Variants in PRPSAP2 observed in about 807,000 individuals in gnomAD.
PRPSAP2 encodes the protein phosphoribosyl pyrophosphate synthetase associated protein 2, also known as phosphoribosyl pyrophosphate synthase-associated protein 2.
In PRPSAP2, 24 loss-of-function variants were observed where a neutral mutation model predicts 40.6. The ratio of observed to expected loss-of-function variants is 0.59; its 90% CI spans 0.43 to 0.83. The LOEUF (loss-of-function observed/expected upper bound fraction) is 0.83. PRPSAP2 is among the 40% of genes least tolerant of loss of function. PRPSAP2 has a pLI of 0.00. For synonymous variants in PRPSAP2, 149 were observed against 164.7 expected (o/e 0.90, Z 0.73); for missense variants, 292 against 465.6 (o/e 0.63, Z 3.43).
At chr17:18,891,899 G>A (rs1046002665) in intron 8 of PRPSAP2, among the ~76,000 whole-genome samples, 8 of 152,160 alleles carry the variant, frequency 5.3e-5, no homozygotes, top group South Asian at 4.1e-4. Flanking sequence ...CTCTGTTGCC[G>A]AGGCTGGAGT....
At chr17:18,881,635 T>C (rs1435174789) in intron 6 of PRPSAP2, among the ~76,000 whole-genome samples, 1 of 150,972 alleles carries the variant, frequency 6.6e-6, no homozygotes, top group Non-Finnish European at 1.5e-5. Flanking sequence ...CCTTCTGCAC[T>C]GAAGCGATTC....
intron 8 of PRPSAP2, chr17:18,908,474 T>A: frequency 1.3e-6 from 1 of 759,354 alleles, no homozygotes; most frequent in Non-Finnish European, 2.5e-6. Flanking sequence ...ATGGAAGGAG[T>A]GAGGCACCGG....
chr17:18,914,423 A>ATTT (rs35469900), intron 9 of PRPSAP2, among the ~76,000 whole-genome samples: 3 of 135,054 alleles, frequency 2.2e-5, no homozygotes, highest in Non-Finnish European at 4.8e-5. Flanking sequence ...GGCCTGGCTA[A>ATTT]TTTTTTTTTT....
At chr17:18,895,259 A>AT (rs1289777123) in intron 8 of PRPSAP2, among the ~76,000 whole-genome samples, 41 of 151,178 alleles carry the variant, frequency 2.7e-4, no homozygotes, top group South Asian at 1.5e-3. Flanking sequence ...CTAATTAAAA[A>AT]AATATATATA....
At chr17:18,916,768 T>C (rs2041344300) in intron 9 of PRPSAP2, among the ~76,000 whole-genome samples, 1 of 152,172 alleles carries the variant, frequency 6.6e-6, no homozygotes, top group Non-Finnish European at 1.5e-5. Flanking sequence ...AGCAGATTGG[T>C]GTCTGATGAG....
At chr17:18,904,009 A>G (rs2040435316) in intron 8 of PRPSAP2, among the ~76,000 whole-genome samples, 2 of 152,166 alleles carry the variant, frequency 1.3e-5, no homozygotes, top group African/African-American at 4.8e-5. Context: ...TAATCAATGT[A>G]GAAGTCAGAC....
chr17:18,887,735 T>G (rs868272313), intron 7 of PRPSAP2, among the ~76,000 whole-genome samples: 33 of 152,316 alleles, frequency 2.2e-4, no homozygotes, highest in South Asian at 4.1e-4. Flanking sequence ...AAAGTTGTGT[T>G]TATTCTGCTG....
intron 9 of PRPSAP2, among the ~76,000 whole-genome samples, chr17:18,918,263 C>T (rs1375037007): frequency 6.6e-6 from 1 of 152,076 alleles, no homozygotes; most frequent in Non-Finnish European, 1.5e-5. Context: ...GCTGTGTGTT[C>T]TTGGGCCTGT....
rs1160558719 is a variant in PRPSAP2, at chr17:18,867,331, A to C, written c.169A>C (p.Arg57=). ...AGTGCAGGTTTACCAGGAACCTAAC[A>C]GAGGTGAGCTATCTTGGGCATGTGG... ...GKVQVYQEPN[R]ETRVQIQESV... Residue 57 remains arginine, a synonymous_variant, in exon 4 of 12, where the codon AGA becomes CGA. Transcript: ENST00000268835. 1 of 1,614,140 alleles carries C rather than the reference A, an allele frequency of 6.2e-7. No homozygotes were observed. The highest frequency in any genetic ancestry group is 8.5e-7 in the Non-Finnish European group (1 of 1,180,006).
chr17:18,861,102 T>C (rs2036973201), intron 1 of PRPSAP2, among the ~76,000 whole-genome samples: 1 of 152,174 alleles, frequency 6.6e-6, no homozygotes, highest in African/African-American at 2.4e-5. Flanking sequence ...TCTTTATAAC[T>C]CTTTTCTTGA....
intron 10 of PRPSAP2, among the ~76,000 whole-genome samples, chr17:18,927,138 CT>C (rs1009643351): frequency 1.3e-5 from 2 of 152,214 alleles, no homozygotes; most frequent in Non-Finnish European, 2.9e-5. Flanking sequence ...AAGGAATGAA[CT>C]TTCCTTCAGA....
At position 18,865,926 on chromosome 17, in the gene PRPSAP2, T is replaced by G; in HGVS notation, c.93T>G (p.Cys31Trp). 6.7e-7 allele frequency: 1 copy of G among 1,485,058 alleles called. No homozygotes were observed. The highest frequency in any genetic ancestry group is 2.4e-5 in the East Asian group (1 of 41,218). The allele number at this position is 1,485,058 out of a possible 1,614,324, so 92.0% of individuals were successfully genotyped here. Residue 31 changes from cysteine (C) to tryptophan (W), a missense_variant, in exon 3 of 12, where the codon TGT becomes TGG. Physicochemically the swap from Cys to Trp is radical, Grantham distance 215. This residue lies in a region of PRPSAP2 where 51 missense variants were observed against 40.0 expected (regional missense o/e 1.28). Transcript: ENST00000268835. Reference protein sequence around the residue: ...VLFSANSNSSCMELSKKIAER... With the variant: ...VLFSANSNSSWMELSKKIAER... Reference sequence around the variant, plus strand: ...TTTCAGCAAACTCGAATTCATCATGTATGGAGCTATCAAAGAAAATTGCAG... The same window carrying G: ...TTTCAGCAAACTCGAATTCATCATGGATGGAGCTATCAAAGAAAATTGCAG...
chr17:18,881,207 A>G (rs898200738), intron 6 of PRPSAP2, among the ~76,000 whole-genome samples: 4 of 151,860 alleles, frequency 2.6e-5, no homozygotes, highest in African/African-American at 9.7e-5. Context: ...GAAAAATACA[A>G]GTGCTGAGTT....
intron 6 of PRPSAP2, 107 bp from the exon 7 acceptor site, chr17:18,882,461 T>TG: frequency 1.4e-6 from 1 of 714,244 alleles, no homozygotes; most frequent in South Asian, 1.7e-5. Flanking sequence ...CAGTTAGCTA[T>TG]GGTCATGCCA....
At chr17:18,915,436 G>C (rs1416436663) in intron 9 of PRPSAP2, among the ~76,000 whole-genome samples, 2 of 152,084 alleles carry the variant, frequency 1.3e-5, no homozygotes, top group African/African-American at 4.8e-5. Context: ...AGTCTGTTTT[G>C]TGTTGCTATA....
intron 11 of PRPSAP2, among the ~76,000 whole-genome samples, chr17:18,930,048 C>A (rs1330133791): frequency 6.6e-6 from 1 of 152,116 alleles, no homozygotes; most frequent in African/African-American, 2.4e-5. Flanking sequence ...CCATACCTAT[C>A]CTAGTGGGTG....
chr17:18,870,174 T>C (rs2037756677), intron 4 of PRPSAP2, among the ~76,000 whole-genome samples: 1 of 152,120 alleles, frequency 6.6e-6, no homozygotes, highest in Non-Finnish European at 1.5e-5. Flanking sequence ...AATAGTACAG[T>C]GAACTACCGC....
At chr17:18,872,726 C>T (rs2037983413) in intron 5 of PRPSAP2, 77 bp downstream of exon 5, 1 of 1,167,078 alleles carries the variant, frequency 8.6e-7, no homozygotes, top group Non-Finnish European at 1.3e-6. Flanking sequence ...AGATGGCTAG[C>T]CAGGAAGAGT....
intron 4 of PRPSAP2, among the ~76,000 whole-genome samples, chr17:18,871,112 C>T (rs1044351277): frequency 9.9e-5 from 15 of 152,020 alleles, no homozygotes; most frequent in Non-Finnish European, 1.8e-4. Context: ...CTCTGCCTCC[C>T]AGGTTCAAGC....
Sources: allele counts gnomAD v4.1 joint callset (sites outside exome capture counted in the v4.1 genomes callset), GRCh38; gene constraint gnomAD v4.1.1; regional missense constraint gnomAD v4.1.1; transcripts MANE v1.5; gene names NCBI Gene and HGNC (gene_info 2026-07-23, HGNC 2026-07-21).